Variants in PLCB1 observed in about 807,000 individuals in gnomAD.
The protein encoded by PLCB1 is 1-phosphatidylinositol 4,5-bisphosphate phosphodiesterase beta-1.
In PLCB1, 46 loss-of-function variants were observed where a neutral mutation model predicts 161.8. The observed-to-expected ratio is 0.28, with a 90% CI of 0.22 to 0.36. The LOEUF is 0.36. PLCB1 is among the 10% of genes least tolerant of loss of function. The pLI is 1.00. For missense variants in PLCB1, 1,016 were observed against 1,472.5 expected (o/e 0.69, Z 5.07); for synonymous variants, 517 against 503.7 (o/e 1.03, Z -0.35).
chr20:8,247,547 G>A (rs1980935915), intron 2 of PLCB1, among the ~76,000 whole-genome samples: 1 of 151,518 alleles, frequency 6.6e-6, no homozygotes. Context: ...TTAAGAATTG[G>A]CCAGGCTAAG....
intron 3 of PLCB1, among the ~76,000 whole-genome samples, chr20:8,545,195 A>G (rs144417529): frequency 1.3e-5 from 2 of 152,368 alleles, no homozygotes; most frequent in African/African-American, 4.8e-5. Flanking sequence ...TGAAGTGAGC[A>G]TTAAGAATAG....
chr20:8,645,230 G>T (rs1398335216), intron 4 of PLCB1, among the ~76,000 whole-genome samples: 1 of 150,922 alleles, frequency 6.6e-6, no homozygotes, highest in East Asian at 1.9e-4. Context: ...TTGTTTATCT[G>T]CTGACCTTCC....
intron 4 of PLCB1, among the ~76,000 whole-genome samples, chr20:8,631,827 T>C (rs1304334761): frequency 6.6e-6 from 1 of 152,190 alleles, no homozygotes; most frequent in Non-Finnish European, 1.5e-5. Flanking sequence ...AGAAAATCTT[T>C]TGGATGTCTC....
At chr20:8,631,731 CT>C (rs1555778209) in intron 4 of PLCB1, among the ~76,000 whole-genome samples, 2 of 152,158 alleles carry the variant, frequency 1.3e-5, no homozygotes, top group Non-Finnish European at 2.9e-5. Flanking sequence ...TAATAGGCCA[CT>C]TTTTTGTGAC....
intron 23 of PLCB1, among the ~76,000 whole-genome samples, chr20:8,742,837 A>G (rs1980954651): frequency 6.6e-6 from 1 of 152,210 alleles, no homozygotes; most frequent in African/African-American, 2.4e-5. Context: ...GGTACATAGT[A>G]GGTATATATG....
At chr20:8,798,136 G>T (rs1984116160) in intron 31 of PLCB1, among the ~76,000 whole-genome samples, 1 of 151,830 alleles carries the variant, frequency 6.6e-6, no homozygotes, top group South Asian at 2.1e-4. Flanking sequence ...GGTGGAGGCT[G>T]CAGTGAGCCG....
At chr20:8,293,454 G>A (rs1185754305) in intron 2 of PLCB1, among the ~76,000 whole-genome samples, 2 of 151,994 alleles carry the variant, frequency 1.3e-5, no homozygotes, top group Non-Finnish European at 2.9e-5. Context: ...AAGCCACAAA[G>A]AGTAAAAAAA....
intron 2 of PLCB1, among the ~76,000 whole-genome samples, chr20:8,241,104 A>G (rs1980588275): frequency 6.6e-6 from 1 of 151,990 alleles, no homozygotes; most frequent in African/African-American, 2.4e-5. Context: ...TTCCTAATGT[A>G]ATTGAATTTC....
intron 14 of PLCB1, among the ~76,000 whole-genome samples, chr20:8,720,869 G>T (rs58596869): frequency 0.026 from 3,814 of 148,818 alleles, 128 homozygotes; most frequent in African/African-American, 0.075. Context: ...AAAAAAAAAA[G>T]GTAATAAGAA....
intron 3 of PLCB1, among the ~76,000 whole-genome samples, chr20:8,594,577 T>G (rs1379152187): frequency 6.6e-6 from 1 of 151,608 alleles, no homozygotes; most frequent in African/African-American, 2.4e-5. Flanking sequence ...GCCTGGTAAC[T>G]TAAGTTTTCT....
chr20:8,853,601 T>A (rs1986962346), intron 31 of PLCB1, among the ~76,000 whole-genome samples: 3 of 152,220 alleles, frequency 2.0e-5, no homozygotes, highest in African/African-American at 7.2e-5. Flanking sequence ...GATGGACATT[T>A]AGGTTGTTTC....
chr20:8,790,816 G>T (rs183124611), intron 31 of PLCB1, among the ~76,000 whole-genome samples: 1 of 152,268 alleles, frequency 6.6e-6, no homozygotes, highest in African/African-American at 2.4e-5. Context: ...ATTGTCTTAT[G>T]AATATTAACT....
rs971700215 is a variant in PLCB1 at position 8,252,528 on chromosome 20, A to G, written c.177+102157A>G. Among the ~76,000 whole-genome samples the G allele has an allele frequency of 2.0e-5, 3 of 152,158 alleles. No homozygotes were observed. In the East Asian group the frequency reaches 5.8e-4, roughly 30 times the overall value. ...TGCCTAATTCTAATCCAGTGATCTC[A>G]TATAGCATTAGAATAAATTAGAATA... On this transcript the variant is annotated intron_variant, in intron 2 of 31. Transcript: ENST00000338037.
At chr20:8,510,989 T>G (rs1405589089) in intron 3 of PLCB1, among the ~76,000 whole-genome samples, 1 of 152,212 alleles carries the variant, frequency 6.6e-6, no homozygotes, top group Non-Finnish European at 1.5e-5. Context: ...ATCATTATTT[T>G]GTAGTGAGAA....
At chr20:8,523,060 G>A (rs113355535) in intron 3 of PLCB1, among the ~76,000 whole-genome samples, 34 of 152,264 alleles carry the variant, frequency 2.2e-4, no homozygotes, top group African/African-American at 7.5e-4. Context: ...AGTTGAGGAT[G>A]AGATTGCTGT....
At chr20:8,770,290 C>G (rs1348658044) in intron 26 of PLCB1, among the ~76,000 whole-genome samples, 1 of 152,166 alleles carries the variant, frequency 6.6e-6, no homozygotes, top group Non-Finnish European at 1.5e-5. Flanking sequence ...TCCTTAAAGG[C>G]CATCTAGGTG....
At chr20:8,247,562 AAATTCCAGTGCC>A (rs1980937564) in intron 2 of PLCB1, among the ~76,000 whole-genome samples, 1 of 151,922 alleles carries the variant, frequency 6.6e-6, no homozygotes, top group South Asian at 2.1e-4. Flanking sequence ...GCTAAGATTC[AAATTCCAGTGCC>A]ACCATTTATA....
intron 3 of PLCB1, among the ~76,000 whole-genome samples, chr20:8,384,795 G>T (rs545499959): frequency 6.6e-6 from 1 of 152,282 alleles, no homozygotes; most frequent in Admixed American, 6.5e-5. Flanking sequence ...CTATAGGGCT[G>T]CTGCAGTTTG....
chr20:8,721,727 A>G (rs905124872), intron 14 of PLCB1, among the ~76,000 whole-genome samples: 3 of 152,196 alleles, frequency 2.0e-5, no homozygotes, highest in African/African-American at 7.2e-5. Context: ...AAGCTTGCAG[A>G]CAAATCATAG....
Sources: gnomAD v4.1 joint callset for allele counts (sites outside exome capture counted in the v4.1 genomes callset) on GRCh38, gnomAD v4.1.1 for gene constraint, MANE v1.5 for transcripts, NCBI Gene and HGNC (gene_info 2026-07-23, HGNC 2026-07-21) for gene names.